COPA: variants seen among roughly 807,000 people sequenced by gnomAD.
COPA encodes coat protein complex I subunit alpha.
COPA carries 10 observed loss-of-function variants against 158.7 expected under a neutral mutation model. That is an observed-to-expected ratio of 0.06 (90% CI 0.04 to 0.11). The LOEUF (loss-of-function observed/expected upper bound fraction) is 0.11, where lower values mean the gene tolerates loss of function less well. COPA is among the 10% of genes least tolerant of loss of function. The pLI is 1.00. For missense variants in COPA, 1,065 were observed against 1,536.7 expected (o/e 0.69, Z 5.13); for synonymous variants, 462 against 542.8 (o/e 0.85, Z 2.07).
At chr1:160,339,040 AT>A (rs1169283586) in intron 3 of COPA, among the ~76,000 whole-genome samples, 4 of 138,880 alleles carry the variant, frequency 2.9e-5, no homozygotes, top group African/African-American at 1.3e-4. Flanking sequence ...TCTCCTCCTG[AT>A]TTTCCTTTCC....
Position 160,290,076 on chromosome 1 carries a change from G to A in COPA, c.*81C>T. The A allele has an allele frequency of 8.1e-7, 1 of 1,236,608 alleles. No homozygotes were observed. Among genetic ancestry groups the A allele is most frequent in the East Asian group, 2.3e-5 (1 of 42,786 alleles). 76.6% of individuals were successfully genotyped at this position (1,236,608 alleles called of 1,614,324 possible). A position where few individuals can be genotyped will look rare whatever the true frequency, so the allele number is the denominator to read the frequency against. On this transcript the variant is annotated 3_prime_UTR_variant, in exon 33 of 33. Coordinates refer to ENST00000241704, the MANE Select transcript of COPA (RefSeq NM_004371.4). ...CAGATCTGAAGAGTAGCTGCAGGGG[G>A]AAGGTGCTGTTAGAAGGAGGATATA...
chr1:160,325,794 T>C, intron 6 of COPA, 142 bp from the exon 7 acceptor site: 1 of 650,306 alleles, frequency 1.5e-6, no homozygotes, highest in Non-Finnish European at 2.7e-6. Flanking sequence ...GACTCAAGAA[T>C]TCCTATTTCT....
At chr1:160,339,194 T>G (rs1007098970) in intron 3 of COPA, among the ~76,000 whole-genome samples, 1 of 132,566 alleles carries the variant, frequency 7.5e-6, no homozygotes, top group Non-Finnish European at 1.5e-5. Flanking sequence ...ACAGACACAC[T>G]GATTCATTTC....
At position 160,323,550 on chromosome 1, in the gene COPA, T is replaced by G. The variant is rs867302695; in HGVS notation, c.607-20A>C. The G allele has an allele frequency of 1.9e-6, 3 of 1,581,910 alleles. No individual in the cohort carries two copies. The Middle Eastern group carries it at 5.1e-4, about 267-fold the overall frequency. ...GTGACCCTGTAGAAAAGAGTGGTTC[T>G]TCTAAAACATCTTTATAGTCATTAC... On this transcript the variant is annotated intron_variant, in intron 7 of 32. Transcript: ENST00000241704.
At chr1:160,336,758 C>T (rs1647783234) in intron 3 of COPA, among the ~76,000 whole-genome samples, 1 of 151,904 alleles carries the variant, frequency 6.6e-6, no homozygotes, top group Non-Finnish European at 1.5e-5. Flanking sequence ...CAATCTGGGC[C>T]AGCTTGTTAC....
intron 14 of COPA, 73 bp downstream of exon 14, chr1:160,307,090 T>G: frequency 7.0e-7 from 1 of 1,420,078 alleles, no homozygotes; most frequent in Non-Finnish European, 9.9e-7. Flanking sequence ...AAAACAATGG[T>G]CTTTATTTTG....
chr1:160,306,538 AGAT>A, intron 14 of COPA, 45 bp from the exon 15 acceptor site: 1 of 1,608,480 alleles, frequency 6.2e-7, no homozygotes, highest in Non-Finnish European at 8.5e-7. Flanking sequence ...AAATGTGTAT[AGAT>A]GATGATGACA....
At position 160,333,612 on chromosome 1, in the gene COPA, G is replaced by A; in HGVS notation, c.377C>T (p.Thr126Ile). The change falls in exon 5 of 33, where the codon ACC becomes ATC. Residue 126 changes from threonine (T) to isoleucine (I), a missense_variant. Physicochemically the swap from Thr to Ile is moderately conservative, Grantham distance 89. Around this residue, in one of 2 missense-constraint regions of COPA, gnomAD observed 85 missense variants for 178.9 expected, o/e 0.48. Coordinates refer to ENST00000241704, the MANE Select transcript of COPA (RefSeq NM_004371.4). ...CTGCCTCCTGCTTTACCAAACACAG[G>A]TTCTAGATTGCCAGTTCCACACTCG... is the stretch of plus-strand genomic sequence containing the variant. ...TIRVWNWQSR[T>I]CVCVLTGHNH... 6.2e-7 allele frequency: 1 copy of A among 1,612,392 alleles called. No individual in the cohort carries two copies. Among genetic ancestry groups the A allele is most frequent in the Non-Finnish European group, 8.5e-7 (1 of 1,178,756 alleles).
At chr1:160,308,467 A>G (rs1658862835) in intron 13 of COPA, among the ~76,000 whole-genome samples, 2 of 152,238 alleles carry the variant, frequency 1.3e-5, no homozygotes, top group African/African-American at 4.8e-5. Flanking sequence ...GATCTGCAGA[A>G]TAAATCTCTG....
At position 160,289,031 on chromosome 1, in the gene COPA, C is replaced by T. The variant is rs555403490; in HGVS notation, c.*1126G>A. ...TGTCGCCCAGGCTGGAGTGCGGTGG[C>T]GCGATCTCAGCTTACTGCAACCTCC... is the stretch of plus-strand genomic sequence containing the variant. On this transcript the variant is annotated 3_prime_UTR_variant, in exon 33 of 33. Transcript: ENST00000241704. 7.5e-4 allele frequency among the ~76,000 whole-genome samples: 114 copies of T among 151,536 alleles called. No individual in the cohort carries two copies. Among genetic ancestry groups the T allele is most frequent in the Non-Finnish European group, 1.4e-3 (97 of 67,906 alleles).
At chr1:160,322,989 G>GCACACACACACACACACACACA (rs112126446) in intron 8 of COPA, among the ~76,000 whole-genome samples, 4 of 145,320 alleles carry the variant, frequency 2.8e-5, no homozygotes, top group African/African-American at 1.0e-4. Context: ...ACGCGCACGT[G>GCACACACACACACACACACACA]CACACACACA....
chr1:160,306,995 A>G (rs978886060), intron 14 of COPA, among the ~76,000 whole-genome samples, 168 bp downstream of exon 14: 2 of 152,226 alleles, frequency 1.3e-5, no homozygotes, highest in Admixed American at 1.3e-4. Context: ...TTTTAATGCC[A>G]TTCCCCCAAG....
chr1:160,292,800 T>G (rs1224399144), intron 27 of COPA, among the ~76,000 whole-genome samples, 180 bp from the exon 28 acceptor site: 1 of 152,348 alleles, frequency 6.6e-6, no homozygotes. Flanking sequence ...TGGCACACAG[T>G]GAACATTAAA....
chr1:160,292,279 A>C, intron 28 of COPA, 81 bp from the exon 29 acceptor site: 3 of 1,563,426 alleles, frequency 1.9e-6, no homozygotes, highest in Non-Finnish European at 2.6e-6. Context: ...AAACATCCTC[A>C]TAGCTACCCT....
At chr1:160,320,120 A>G (rs1203467079) in intron 8 of COPA, among the ~76,000 whole-genome samples, 5 of 152,146 alleles carry the variant, frequency 3.3e-5, no homozygotes, top group Non-Finnish European at 7.3e-5. Context: ...TAGTATCAAC[A>G]AACTGTTAGC....
chr1:160,310,376 T>C, intron 11 of COPA, 118 bp from the exon 12 acceptor site: 1 of 502,038 alleles, frequency 2.0e-6, no homozygotes, highest in Non-Finnish European at 3.6e-6. Context: ...CTCATCACTT[T>C]TATAATCAGG....
At chr1:160,313,037 T>C (rs1659018205) in intron 10 of COPA, 48 bp downstream of exon 10, 2 of 1,534,172 alleles carry the variant, frequency 1.3e-6, no homozygotes, top group Non-Finnish European at 1.8e-6. Context: ...TTTCAAGACT[T>C]ATAAACTTTG....
intron 7 of COPA, among the ~76,000 whole-genome samples, chr1:160,324,717 A>G (rs1659438957): frequency 6.6e-6 from 1 of 152,128 alleles, no homozygotes; most frequent in Non-Finnish European, 1.5e-5. Flanking sequence ...TCATGTTTTT[A>G]AAAGTTGTTT....
In COPA at chr1:160,293,380, G is replaced by A. The variant is rs199835547; in HGVS notation, c.2754+6C>T. On this transcript the variant is annotated splice_donor_region_variant and intron_variant, in intron 26 of 32. Transcript: ENST00000241704. ...TCCCTGCCGTGCTAGGTTTCTTCCC[G>A]CTTACCTGAGTTGGACTTGTTCCCT... The A allele has an allele frequency of 8.7e-6, 14 of 1,613,206 alleles. No homozygotes were observed. In the East Asian group the frequency reaches 8.9e-5, roughly 10 times the overall value.
Sources: allele counts gnomAD v4.1 joint callset (sites outside exome capture counted in the v4.1 genomes callset), GRCh38; gene constraint gnomAD v4.1.1; regional missense constraint gnomAD v4.1.1; transcripts MANE v1.5; gene names NCBI Gene and HGNC (gene_info 2026-07-23, HGNC 2026-07-21).